CAMTA1: variants seen among roughly 807,000 people sequenced by gnomAD.
CAMTA1 encodes the protein calmodulin-binding transcription activator 1.
CAMTA1 carries 27 observed loss-of-function variants against 170.9 expected under a neutral mutation model. The observed-to-expected ratio is 0.16, with a 90% CI of 0.12 to 0.22. The LOEUF is 0.22. CAMTA1 is among the 10% of genes least tolerant of loss of function. The pLI is 1.00. For synonymous variants in CAMTA1, 833 were observed against 891.5 expected, an observed-to-expected ratio of 0.93 and a Z score of 1.17; for missense variants, 1,619 against 2,217.2, an observed-to-expected ratio of 0.73 and a Z score of 5.42.
At chr1:7,690,727 C>T (rs2096301092) in intron 11 of CAMTA1, among the ~76,000 whole-genome samples, 1 of 152,228 alleles carries the variant, frequency 6.6e-6, no homozygotes, top group Non-Finnish European at 1.5e-5. Context: ...CTGAGACTTT[C>T]CGGCAACCCG....
At chr1:7,490,573 A>G (rs1575587461) in intron 6 of CAMTA1, among the ~76,000 whole-genome samples, 1 of 151,798 alleles carries the variant, frequency 6.6e-6, no homozygotes, top group Admixed American at 6.6e-5. Flanking sequence ...AATCGCTTGA[A>G]CCCAGGAGGC....
intron 5 of CAMTA1, among the ~76,000 whole-genome samples, chr1:7,257,480 C>T (rs1037713007): frequency 5.9e-5 from 9 of 152,166 alleles, no homozygotes; most frequent in African/African-American, 2.2e-4. Flanking sequence ...TTAGGAATAA[C>T]AAGTTGTTTA....
In CAMTA1 at chr1:7,627,775, A is replaced by G. The variant is rs199772795; in HGVS notation, c.511-12625A>G. Among the ~76,000 whole-genome samples the G allele has an allele frequency of 5.3e-5, 8 of 152,336 alleles. No individual in the cohort carries two copies. In the East Asian group the frequency reaches 1.5e-3, roughly 29 times the overall value. Reference sequence around the variant, plus strand: ...TTTAGATTCTTTATGTGTAAAGCAGATGGGGCCATAACCAGTTCTACCTTG... The same window carrying G: ...TTTAGATTCTTTATGTGTAAAGCAGGTGGGGCCATAACCAGTTCTACCTTG... On this transcript the variant is annotated intron_variant, in intron 6 of 22. Transcript: ENST00000303635.
chr1:7,616,026 G>A (rs1001446839), intron 6 of CAMTA1, among the ~76,000 whole-genome samples: 1 of 152,256 alleles, frequency 6.6e-6, no homozygotes, highest in Non-Finnish European at 1.5e-5. Context: ...TTTTGTAAAT[G>A]TAAGAGATTA....
intron 6 of CAMTA1, among the ~76,000 whole-genome samples, chr1:7,524,288 T>C (rs899773243): frequency 6.6e-6 from 1 of 152,252 alleles, no homozygotes; most frequent in Admixed American, 6.5e-5. Context: ...GCCACATATT[T>C]ATGATGAACA....
At chr1:7,608,704 C>G (rs2095503273) in intron 6 of CAMTA1, among the ~76,000 whole-genome samples, 1 of 152,148 alleles carries the variant, frequency 6.6e-6, no homozygotes, top group Admixed American at 6.5e-5. Flanking sequence ...GATCTGAGCT[C>G]AAGGGTGCAG....
At chr1:7,507,465 C>G (rs2094137441) in intron 6 of CAMTA1, among the ~76,000 whole-genome samples, 1 of 152,228 alleles carries the variant, frequency 6.6e-6, no homozygotes, top group African/African-American at 2.4e-5. Context: ...GGCCTCACTT[C>G]CTTTCTCTCT....
At chr1:7,034,922 GT>G (rs974841406) in intron 3 of CAMTA1, among the ~76,000 whole-genome samples, 1 of 151,954 alleles carries the variant, frequency 6.6e-6, no homozygotes. Flanking sequence ...AAAATCAGTT[GT>G]TTTTTTTAAA....
At chr1:7,118,931 T>C (rs1644491595) in intron 4 of CAMTA1, among the ~76,000 whole-genome samples, 1 of 152,212 alleles carries the variant, frequency 6.6e-6, no homozygotes, top group African/African-American at 2.4e-5. Context: ...CAGAAGCTGA[T>C]TTTTATGCTG....
chr1:7,066,865 G>A (rs774046935), intron 3 of CAMTA1, among the ~76,000 whole-genome samples: 1 of 152,192 alleles, frequency 6.6e-6, no homozygotes, highest in Non-Finnish European at 1.5e-5. Flanking sequence ...AAGCATCATA[G>A]GCTCAGTTTA....
chr1:7,434,867 C>G (rs1475078397), intron 5 of CAMTA1, among the ~76,000 whole-genome samples: 2 of 148,438 alleles, frequency 1.3e-5, no homozygotes, highest in Non-Finnish European at 3.0e-5. Flanking sequence ...ATGGCAAAAT[C>G]CTGTCTCTAC....
At chr1:7,459,699 G>A (rs965329158) in intron 5 of CAMTA1, among the ~76,000 whole-genome samples, 67 of 152,342 alleles carry the variant, frequency 4.4e-4, no homozygotes, top group African/African-American at 1.4e-3. Context: ...TCCTGGGCTT[G>A]CAGTCCAGGT....
At chr1:7,725,937 C>T (rs181383277) in intron 11 of CAMTA1, among the ~76,000 whole-genome samples, 2 of 152,248 alleles carry the variant, frequency 1.3e-5, no homozygotes, top group East Asian at 3.9e-4. Flanking sequence ...CAGCCTCCAG[C>T]CAGGAACAGG....
intron 4 of CAMTA1, among the ~76,000 whole-genome samples, chr1:7,199,495 C>T (rs958977156): frequency 9.2e-5 from 14 of 152,210 alleles, no homozygotes; most frequent in Admixed American, 7.2e-4. Context: ...AAGTCATCTG[C>T]CCCCATGTCC....
chr1:6,872,233 TCACCACCAC>T lies in CAMTA1; in HGVS notation c.234+47045_234+47053del, dbSNP rs35457975. 1.5e-4 allele frequency among the ~76,000 whole-genome samples: 23 copies of T among 150,176 alleles called. No individual in the cohort carries two copies. The East Asian group carries it at 2.0e-3, about 13-fold the overall frequency. ...CCTTATCACACATACACCCTCACCA[TCACCACCAC>T]CACCACCACCACCACCACCACATAC... On this transcript the variant is annotated intron_variant, in intron 3 of 22. Coordinates refer to ENST00000303635, the MANE Select transcript of CAMTA1 (RefSeq NM_015215.4).
Position 7,767,549 on chromosome 1 carries a change from G to A in CAMTA1, c.*1058G>A, listed in dbSNP as rs1365008692. ...ATGAAAAGTGAGAAAATATTTGAAAGGGATTATATTAATTGCTAAATATTT... is the reference window on the plus strand; with the variant it reads ...ATGAAAAGTGAGAAAATATTTGAAAAGGATTATATTAATTGCTAAATATTT... On this transcript the variant is annotated 3_prime_UTR_variant, in exon 23 of 23. Coordinates refer to ENST00000303635, the MANE Select transcript of CAMTA1 (RefSeq NM_015215.4). The A allele has an allele frequency of 6.6e-6, 1 of 152,656 alleles. No individual in the cohort carries two copies. Among genetic ancestry groups the A allele is most frequent in the African/African-American group, 2.4e-5 (1 of 41,396 alleles). The allele number at this position is 152,656 out of a possible 1,614,324, so 9.5% of individuals were successfully genotyped here.
At chr1:7,486,719 CA>C (rs1472227392) in intron 6 of CAMTA1, among the ~76,000 whole-genome samples, 2 of 152,182 alleles carry the variant, frequency 1.3e-5, no homozygotes, top group Non-Finnish European at 2.9e-5. Context: ...TCATCAGGGT[CA>C]TGGCAGTGCC....
At chr1:7,368,717 T>G (rs1395887702) in intron 5 of CAMTA1, among the ~76,000 whole-genome samples, 3 of 152,216 alleles carry the variant, frequency 2.0e-5, no homozygotes, top group Non-Finnish European at 4.4e-5. Context: ...TGCACGCTGC[T>G]GCAGCTTCAG....
rs59687486 is a variant in CAMTA1, at chr1:7,310,671, C to CTCT, written c.438+61045_438+61046insTCT. 1.5e-4 allele frequency among the ~76,000 whole-genome samples: 5 copies of CTCT among 33,318 alleles called. 1 individual carries two copies. Among genetic ancestry groups the CTCT allele is most frequent in the Admixed American group, 8.3e-4 (2 of 2,396 alleles). The allele number at this position is 33,318 out of a possible 152,430, so 21.9% of individuals were successfully genotyped here. On this transcript the variant is annotated intron_variant, in intron 5 of 22. Coordinates refer to ENST00000303635, the MANE Select transcript of CAMTA1 (RefSeq NM_015215.4). Reference sequence around the variant, plus strand: ...TTTTTCTTTCTTTCTTTCTTTCTTTCCTTTCTTTCTCTCTCTCTCTCTCTC... The same window carrying CTCT: ...TTTTTCTTTCTTTCTTTCTTTCTTTCTCTCTTTCTTTCTCTCTCTCTCTCTCTC...
Sources: gnomAD v4.1 joint callset for allele counts (sites outside exome capture counted in the v4.1 genomes callset) on GRCh38, gnomAD v4.1.1 for gene constraint, MANE v1.5 for transcripts, NCBI Gene and HGNC (gene_info 2026-07-23, HGNC 2026-07-21) for gene names.